Variants in RBFOX1 observed in about 807,000 individuals in gnomAD.
RBFOX1 encodes RNA binding protein fox-1 homolog 1.
A neutral mutation model predicts 57.7 loss-of-function variants in RBFOX1; 8 were observed. The ratio of observed to expected loss-of-function variants is 0.14; its 90% CI spans 0.08 to 0.25. RBFOX1 has a LOEUF of 0.25. RBFOX1 is among the 10% of genes least tolerant of loss of function. The probability of loss-of-function intolerance (pLI) is 1.00; values close to 1 mark genes in which losing one functional copy is unlikely to be tolerated. For missense variants in RBFOX1, 611 were observed against 548.5 expected (o/e 1.11, Z -1.14); for synonymous variants, 326 against 222.4 (o/e 1.47, Z -4.15).
intron 2 of RBFOX1, among the ~76,000 whole-genome samples, chr16:5,501,268 A>C (rs191661603): frequency 1.5e-5 from 2 of 133,386 alleles, no homozygotes; most frequent in Non-Finnish European, 3.1e-5. Flanking sequence ...CAGTGAGTTG[A>C]GATTGCTCCA....
intron 4 of RBFOX1, among the ~76,000 whole-genome samples, chr16:7,390,674 A>G (rs1197348253): frequency 6.6e-6 from 1 of 152,190 alleles, no homozygotes. Context: ...GTGATTTTTG[A>G]TGAAAAGAAT....
chr16:6,700,431 G>T (rs1332344997), intron 3 of RBFOX1, among the ~76,000 whole-genome samples: 3 of 152,108 alleles, frequency 2.0e-5, no homozygotes, highest in Admixed American at 6.5e-5. Context: ...GCCGAAGCAG[G>T]CGGATCACCT....
chr16:6,469,186 C>G (rs2095118344), intron 2 of RBFOX1, among the ~76,000 whole-genome samples: 3 of 151,838 alleles, frequency 2.0e-5, no homozygotes, highest in Admixed American at 1.3e-4. Flanking sequence ...AAAATAGAGT[C>G]AAGAAAAAAG....
chr16:7,149,379 C>G (rs368850770), intron 4 of RBFOX1, among the ~76,000 whole-genome samples: 1 of 152,072 alleles, frequency 6.6e-6, no homozygotes, highest in Admixed American at 6.6e-5. Flanking sequence ...ATCCATTGAT[C>G]CCCCACTCCA....
intron 3 of RBFOX1, among the ~76,000 whole-genome samples, chr16:7,040,349 A>G (rs1029377943): frequency 3.3e-5 from 5 of 152,134 alleles, no homozygotes; most frequent in Non-Finnish European, 7.4e-5. Context: ...TTAATCACAT[A>G]CTTACTATGT....
intron 4 of RBFOX1, among the ~76,000 whole-genome samples, chr16:5,899,952 C>T (rs1037834569): frequency 3.3e-5 from 5 of 152,080 alleles, no homozygotes; most frequent in East Asian, 1.9e-4. Context: ...GCAGACCTGT[C>T]GTCCCAGCTA....
chr16:7,376,068 A>G (rs2097680555), intron 4 of RBFOX1, among the ~76,000 whole-genome samples: 2 of 152,340 alleles, frequency 1.3e-5, no homozygotes, highest in African/African-American at 4.8e-5. Flanking sequence ...TGAAAAGTAC[A>G]TTGTAAAAAA....
At position 5,414,792 on chromosome 16, in the gene RBFOX1, G is replaced by A. The variant is rs746251327; in HGVS notation, c.220-52424G>A. Reference sequence around the variant, plus strand: ...AAATTGACAACTGGCTGGACATAACGTGACATATAGAGTTGGGGGTAGGCT... The same window carrying A: ...AAATTGACAACTGGCTGGACATAACATGACATATAGAGTTGGGGGTAGGCT... On this transcript the variant is annotated intron_variant, in intron 1 of 2. Transcript: ENST00000585867. Among the ~76,000 whole-genome samples the A allele has an allele frequency of 7.9e-5, 12 of 152,256 alleles. No homozygotes were observed. The East Asian group carries it at 1.5e-3, about 20-fold the overall frequency.
intron 1 of RBFOX1, among the ~76,000 whole-genome samples, chr16:6,250,939 C>A (rs1009805233): frequency 6.6e-6 from 1 of 152,030 alleles, no homozygotes; most frequent in Non-Finnish European, 1.5e-5. Flanking sequence ...TTGAAAGATA[C>A]CTGATTTTGT....
chr16:6,902,181 C>G (rs926434800), intron 3 of RBFOX1, among the ~76,000 whole-genome samples: 1 of 152,102 alleles, frequency 6.6e-6, no homozygotes, highest in African/African-American at 2.4e-5. Context: ...ATTGTTCTAC[C>G]TCATGTGGTT....
intron 14 of RBFOX1, among the ~76,000 whole-genome samples, chr16:7,687,895 A>G (rs1205517547): frequency 6.6e-6 from 1 of 152,026 alleles, no homozygotes; most frequent in African/African-American, 2.4e-5. Flanking sequence ...ACAGATGAGA[A>G]TCAACCCCAG....
chr16:7,323,297 A>C (rs1346172507), intron 4 of RBFOX1, among the ~76,000 whole-genome samples: 1 of 152,086 alleles, frequency 6.6e-6, no homozygotes, highest in Non-Finnish European at 1.5e-5. Context: ...GCTGGTATGC[A>C]CCTGTAGTCC....
chr16:5,699,233 G>C, intron 3 of RBFOX1, among the ~76,000 whole-genome samples: 1 of 152,014 alleles, frequency 6.6e-6, no homozygotes, highest in Non-Finnish European at 1.5e-5. Flanking sequence ...TGATACATCT[G>C]CCTTGGCCTC....
chr16:7,173,351 C>T (rs951188807), intron 4 of RBFOX1, among the ~76,000 whole-genome samples: 2 of 152,158 alleles, frequency 1.3e-5, no homozygotes, highest in Non-Finnish European at 2.9e-5. Flanking sequence ...CAACAGATGT[C>T]CTTCCAAACT....
At chr16:5,410,414 T>A (rs1483922637) in intron 1 of RBFOX1, among the ~76,000 whole-genome samples, 1 of 152,074 alleles carries the variant, frequency 6.6e-6, no homozygotes, top group Non-Finnish European at 1.5e-5. Context: ...ATGTCTCTTG[T>A]TGACCAGGGA....
At chr16:5,449,986 G>T (rs946033081) in intron 1 of RBFOX1, among the ~76,000 whole-genome samples, 1 of 152,146 alleles carries the variant, frequency 6.6e-6, no homozygotes, top group African/African-American at 2.4e-5. Context: ...GTGGTGTAAA[G>T]ATAATAATAA....
chr16:7,641,109 G>A (rs535645743), intron 11 of RBFOX1, among the ~76,000 whole-genome samples: 1 of 152,294 alleles, frequency 6.6e-6, no homozygotes, highest in South Asian at 2.1e-4. Flanking sequence ...AACAGCTTAG[G>A]AAGGGAGAGG....
chr16:6,088,518 CCCTTT>C (rs1264042384), intron 1 of RBFOX1, among the ~76,000 whole-genome samples: 1 of 130,594 alleles, frequency 7.7e-6, no homozygotes, highest in Admixed American at 7.9e-5. Context: ...CCTCCCCCTT[CCCTTT>C]CCTTTTCTCC....
At chr16:5,348,795 C>A (rs1472289646) in intron 1 of RBFOX1, among the ~76,000 whole-genome samples, 1 of 152,222 alleles carries the variant, frequency 6.6e-6, no homozygotes, top group Admixed American at 6.5e-5. Context: ...AACCTCACTG[C>A]ATTTTCTTTA....
Sources: allele counts gnomAD v4.1 joint callset (sites outside exome capture counted in the v4.1 genomes callset), GRCh38; gene constraint gnomAD v4.1.1; transcripts MANE v1.5; gene names NCBI Gene and HGNC (gene_info 2026-07-23, HGNC 2026-07-21).